Variants in SHLD3 observed in about 807,000 individuals in gnomAD.
SHLD3 encodes the protein REV7-interacting novel NHEJ regulator 1.
SHLD3 carries 15 observed loss-of-function variants against 21.4 expected under a neutral mutation model. That is an observed-to-expected ratio of 0.70 (90% CI 0.47 to 1.08). The LOEUF is 1.08. Among genes scored for constraint, SHLD3 ranks in the 50% least tolerant of loss-of-function variants. The pLI is 0.00. For synonymous variants in SHLD3, 103 were observed against 97.2 expected, an observed-to-expected ratio of 1.06 and a Z score of -0.35; for missense variants, 273 against 286.1, an observed-to-expected ratio of 0.95 and a Z score of 0.33.
At position 65,630,315 on chromosome 5, in the gene SHLD3, A is replaced by C. The variant is rs1561761522; in HGVS notation, c.728A>C (p.Lys243Thr). Reference protein sequence around the residue: ...LTGKINLFVHKYGVIFSM With the variant: ...LTGKINLFVHTYGVIFSM Reference sequence around the variant, plus strand: ...GGAAAAATTAATTTATTTGTGCATAAATATGGTGTTATTTTTAGTATGTAA... The same window carrying C: ...GGAAAAATTAATTTATTTGTGCATACATATGGTGTTATTTTTAGTATGTAA... The change falls in exon 2 of 2, where the codon AAA (lysine) becomes ACA (threonine). Residue 243 changes from lysine (K) to threonine (T), a missense_variant. Lys to Thr is a moderately conservative substitution (Grantham distance 78, BLOSUM62 -1). Coordinates refer to ENST00000510585, the MANE Select transcript of SHLD3 (RefSeq NM_001365341.2). 1 of 1,523,050 alleles carries C rather than the reference A, an allele frequency of 6.6e-7. No homozygotes were observed. The highest frequency in any genetic ancestry group is 8.8e-7 in the Non-Finnish European group (1 of 1,138,990). 94.3% of individuals were successfully genotyped at this position (1,523,050 alleles called of 1,614,324 possible).
chr5:65,629,645 C>T lies in SHLD3; in HGVS notation c.58C>T (p.Pro20Ser), dbSNP rs887596035. Residue 20 changes from proline to serine, a missense_variant, in exon 2 of 2, where the codon CCA (proline) becomes TCA (serine). Transcript: ENST00000510585. ...RPCESDPTQL[P>S]KIAEKAIQDF... is the part of the protein sequence containing the mutation. ...ATGTGAGAGTGATCCCACACAACTG[C>T]CAAAAATTGCAGAAAAAGCAATTCA... The T allele has an allele frequency of 1.0e-5, 16 of 1,535,790 alleles. No homozygotes were observed. The highest frequency in any genetic ancestry group is 1.4e-5 in the African/African-American group (1 of 73,006).
Position 65,629,592 on chromosome 5 carries a change from C to G in SHLD3, c.5C>G (p.Thr2Ser). Residue 2 changes from threonine to serine, a missense_variant, in exon 2 of 2, where the codon ACT becomes AGT. Physicochemically the swap from Thr to Ser is moderately conservative, Grantham distance 58. Coordinates refer to ENST00000510585, the MANE Select transcript of SHLD3 (RefSeq NM_001365341.2). ...GAGTAACTGGATTACTGCAGAATGA[C>G]TACAGAAGTAATATTACATTATCGA... is the stretch of plus-strand genomic sequence containing the variant. Reference protein sequence around the residue: MTTEVILHYRPC... With the variant: MSTEVILHYRPC... The G allele has an allele frequency of 6.5e-7, 1 of 1,528,488 alleles. No individual in the cohort carries two copies. The highest frequency in any genetic ancestry group is 1.4e-5 in the African/African-American group (1 of 72,922). 94.7% of individuals were successfully genotyped at this position (1,528,488 alleles called of 1,614,324 possible).
intron 1 of SHLD3, among the ~76,000 whole-genome samples, chr5:65,626,702 C>T (rs1322368759): frequency 2.0e-5 from 3 of 152,020 alleles, no homozygotes; most frequent in African/African-American, 4.8e-5. Context: ...CGCCACTGCA[C>T]GCCATCCTAG....
intron 1 of SHLD3, among the ~76,000 whole-genome samples, chr5:65,627,033 G>C (rs1755267134): frequency 6.8e-6 from 1 of 147,820 alleles, no homozygotes; most frequent in South Asian, 2.1e-4. Context: ...TCGGGAGACT[G>C]AGGCAGGAGA....
chr5:65,629,637 CACA>C lies in SHLD3; in HGVS notation c.53_55del (p.Gln18del). The C allele has an allele frequency of 6.5e-7, 1 of 1,535,936 alleles. No individual in the cohort carries two copies. The highest frequency in any genetic ancestry group is 8.7e-7 in the Non-Finnish European group (1 of 1,146,790). ...TATCGACCATGTGAGAGTGATCCCA[CACA>C]ACTGCCAAAAATTGCAGAAAAAGCA... On this transcript the variant is annotated inframe_deletion, in exon 2 of 2. Coordinates refer to ENST00000510585, the MANE Select transcript of SHLD3 (RefSeq NM_001365341.2).
chr5:65,629,422 A>G, intron 1 of SHLD3, 46 bp from the exon 2 acceptor site: 1 of 1,289,554 alleles, frequency 7.8e-7, no homozygotes, highest in South Asian at 2.8e-5. Context: ...GTTGGTAGGC[A>G]GGGTATCCCT....
intron 1 of SHLD3, 119 bp downstream of exon 1, chr5:65,625,225 T>C: frequency 1.1e-6 from 1 of 872,274 alleles, no homozygotes; most frequent in Non-Finnish European, 1.9e-6. Flanking sequence ...TCCTGCTCTG[T>C]CCTTTGCCGC....
chr5:65,625,217 C>T (rs1755154142), intron 1 of SHLD3, 111 bp downstream of exon 1: 1 of 919,466 alleles, frequency 1.1e-6, no homozygotes, highest in South Asian at 1.4e-5. Context: ...GCTCGCCCTC[C>T]TGCTCTGTCC....
chr5:65,625,076 C>T lies in SHLD3; in HGVS notation c.-151C>T, dbSNP rs964405532. The T allele has an allele frequency of 4.3e-6, 7 of 1,613,786 alleles. No homozygotes were observed. Among genetic ancestry groups the T allele is most frequent in the Non-Finnish European group, 5.9e-6 (7 of 1,179,756 alleles). On this transcript the variant is annotated 5_prime_UTR_variant, in exon 1 of 2. Transcript: ENST00000510585. Reference sequence around the variant, plus strand: ...GCCGGTCAAAATGGAAGTGAATCCCCCTAAACAGGAGCACCTGCTGGCGCT... The same window carrying T: ...GCCGGTCAAAATGGAAGTGAATCCCTCTAAACAGGAGCACCTGCTGGCGCT...
In SHLD3 at chr5:65,630,168, A is replaced by G; in HGVS notation, c.581A>G (p.His194Arg). The change falls in exon 2 of 2, where the codon CAC becomes CGC. Residue 194 changes from histidine (H) to arginine (R), a missense_variant. Physicochemically the swap from His to Arg is conservative, Grantham distance 29. Transcript: ENST00000510585. ...IWTKLNQIIR[H>R]NELPSCNATI... is the part of the protein sequence containing the mutation. ...ACAAAACTCAATCAAATTATTAGGCACAATGAACTTCCATCTTGTAATGCT... is the reference window on the plus strand; with the variant it reads ...ACAAAACTCAATCAAATTATTAGGCGCAATGAACTTCCATCTTGTAATGCT... The G allele has an allele frequency of 6.5e-7, 1 of 1,536,050 alleles. No homozygotes were observed. The highest frequency in any genetic ancestry group is 2.4e-5 in the East Asian group (1 of 40,886).
At chr5:65,627,493 G>A (rs1755297867) in intron 1 of SHLD3, among the ~76,000 whole-genome samples, 1 of 152,058 alleles carries the variant, frequency 6.6e-6, no homozygotes, top group Non-Finnish European at 1.5e-5. Context: ...AGCCAGGCGT[G>A]ATGGTGTGCA....
Position 65,630,639 on chromosome 5 carries a change from AT to A in SHLD3, c.*303del, listed in dbSNP as rs1426062330. 1 of 1,025,726 alleles carries A rather than the reference AT, an allele frequency of 9.7e-7. No homozygotes were observed. The highest frequency in any genetic ancestry group is 1.7e-5 in the African/African-American group (1 of 58,812). 63.5% of individuals were successfully genotyped at this position (1,025,726 alleles called of 1,614,324 possible). ...GATTTTGGTTAATCTCTAAAATCTA[AT>A]TTTACTGTATTTTTTTCCTTACCTC... is the stretch of plus-strand genomic sequence containing the variant. On this transcript the variant is annotated 3_prime_UTR_variant, in exon 2 of 2. Coordinates refer to ENST00000510585, the MANE Select transcript of SHLD3 (RefSeq NM_001365341.2).
Position 65,630,260 on chromosome 5 carries a change from A to G in SHLD3, c.673A>G (p.Ser225Gly). The G allele has an allele frequency of 1.3e-6, 2 of 1,535,648 alleles. No individual in the cohort carries two copies. Among genetic ancestry groups the G allele is most frequent in the African/African-American group, 2.7e-5 (2 of 73,168 alleles). ...CDIMYCEYVG[S>G]LLKGRLALTG... ...TATTATGTATTGTGAATATGTGGGA[A>G]GTCTTCTTAAAGGAAGATTAGCTCT... Residue 225 changes from serine (S) to glycine (G), a missense_variant, in exon 2 of 2, where the codon AGT (serine) becomes GGT (glycine). Transcript: ENST00000510585.
At chr5:65,629,436 A>G (rs1755422989) in intron 1 of SHLD3, 32 bp from the exon 2 acceptor site, 3 of 1,364,478 alleles carry the variant, frequency 2.2e-6, no homozygotes, top group Non-Finnish European at 2.8e-6. Flanking sequence ...TATCCCTACC[A>G]TATCTTATTC....
chr5:65,629,307 G>T (rs1755414690), intron 1 of SHLD3, among the ~76,000 whole-genome samples, 161 bp from the exon 2 acceptor site: 2 of 152,096 alleles, frequency 1.3e-5, no homozygotes, highest in Non-Finnish European at 2.9e-5. Flanking sequence ...GTAAGAGAAA[G>T]AATTTTCAGG....
Position 65,629,932 on chromosome 5 carries a change from A to G in SHLD3, c.345A>G (p.Gly115=). ...SHTLKEQTNS[G]NLGKQSEKGK... Reference sequence around the variant, plus strand: ...CACTGAAGGAACAGACTAATTCTGGAAATCTGGGTAAACAATCAGAAAAGG... The same window carrying G: ...CACTGAAGGAACAGACTAATTCTGGGAATCTGGGTAAACAATCAGAAAAGG... The change falls in exon 2 of 2, where the codon GGA becomes GGG. Residue 115 remains glycine (G), a synonymous_variant. Transcript: ENST00000510585. 6.5e-7 allele frequency: 1 copy of G among 1,536,116 alleles called. No individual in the cohort carries two copies. The highest frequency in any genetic ancestry group is 8.7e-7 in the Non-Finnish European group (1 of 1,146,898).
chr5:65,626,378 G>A (rs116474939), intron 1 of SHLD3, among the ~76,000 whole-genome samples: 1,723 of 152,254 alleles, frequency 0.011, 22 homozygotes, highest in South Asian at 0.035. Flanking sequence ...CAGCTACTCC[G>A]ATGGGAATTT....
Position 65,629,609 on chromosome 5 carries a change from C to T in SHLD3, c.22C>T (p.His8Tyr). Residue 8 changes from histidine to tyrosine, a missense_variant, in exon 2 of 2, where the codon CAT becomes TAT. Physicochemically the swap from His to Tyr is moderately conservative, Grantham distance 83. Coordinates refer to ENST00000510585, the MANE Select transcript of SHLD3 (RefSeq NM_001365341.2). ...CAGAATGACTACAGAAGTAATATTA[C>T]ATTATCGACCATGTGAGAGTGATCC... MTTEVIL[H>Y]YRPCESDPTQ... The T allele has an allele frequency of 2.0e-6, 3 of 1,533,634 alleles. No individual in the cohort carries two copies. Among genetic ancestry groups the T allele is most frequent in the Non-Finnish European group, 1.7e-6 (2 of 1,145,698 alleles).
At chr5:65,627,925 A>G (rs529964667) in intron 1 of SHLD3, among the ~76,000 whole-genome samples, 2 of 152,214 alleles carry the variant, frequency 1.3e-5, no homozygotes, top group Admixed American at 6.5e-5. Flanking sequence ...CAGTGATTCT[A>G]TTGTGAAATG....
Sources: allele counts gnomAD v4.1 joint callset (sites outside exome capture counted in the v4.1 genomes callset), GRCh38; gene constraint gnomAD v4.1.1; transcripts MANE v1.5; gene names NCBI Gene and HGNC (gene_info 2026-07-23, HGNC 2026-07-21).